Variants in SYBU observed in about 807,000 individuals in gnomAD.
The protein encoded by SYBU is syntabulin, also known as GOLSYN A protein.
Under a neutral mutation model 35.9 loss-of-function variants are expected in SYBU, and 21 were observed. That is an observed-to-expected ratio of 0.58 (90% CI 0.41 to 0.84). The LOEUF (loss-of-function observed/expected upper bound fraction) is 0.84. Among genes scored for constraint, SYBU ranks in the 40% least tolerant of loss-of-function variants. SYBU has a pLI of 0.00. For missense variants in SYBU, 768 were observed against 848.2 expected (o/e 0.91, Z 1.17); for synonymous variants, 319 against 324.3 (o/e 0.98, Z 0.18).
intron 2 of SYBU, among the ~76,000 whole-genome samples, chr8:109,621,530 G>A (rs915661917): frequency 2.6e-5 from 4 of 152,138 alleles, no homozygotes; most frequent in African/African-American, 9.7e-5. Context: ...TGCTTCATAT[G>A]GTGTGTGTTG....
intron 1 of SYBU, among the ~76,000 whole-genome samples, chr8:109,688,782 AG>A (rs369037657): frequency 1.5e-3 from 226 of 150,060 alleles, no homozygotes; most frequent in African/African-American, 3.8e-3. Context: ...AAAAAAAAAA[AG>A]AGAGAGAAGA....
At chr8:109,690,207 C>G (rs1817614978) in intron 1 of SYBU, among the ~76,000 whole-genome samples, 1 of 151,130 alleles carries the variant, frequency 6.6e-6, no homozygotes, top group Admixed American at 6.6e-5. Flanking sequence ...GCTTTAAAAT[C>G]TGAAGCATAT....
chr8:109,610,929 CT>C (rs1482822788), intron 3 of SYBU, among the ~76,000 whole-genome samples: 1 of 152,214 alleles, frequency 6.6e-6, no homozygotes, highest in African/African-American at 2.4e-5. Flanking sequence ...TTTTACCATA[CT>C]TTATCGAATC....
chr8:109,628,893 T>C (rs1813276096), intron 2 of SYBU, among the ~76,000 whole-genome samples: 1 of 151,474 alleles, frequency 6.6e-6, no homozygotes, highest in Non-Finnish European at 1.5e-5. Context: ...AGGTGGGAGG[T>C]GGGAAGCTAC....
At chr8:109,588,158 T>C (rs1315398383) in intron 3 of SYBU, among the ~76,000 whole-genome samples, 2 of 152,244 alleles carry the variant, frequency 1.3e-5, no homozygotes, top group Non-Finnish European at 2.9e-5. Context: ...TGTGAAATTA[T>C]TACTCTGAAA....
At chr8:109,592,698 AAGG>A (rs1172197834) in intron 3 of SYBU, among the ~76,000 whole-genome samples, 1 of 152,240 alleles carries the variant, frequency 6.6e-6, no homozygotes, top group African/African-American at 2.4e-5. Context: ...TTCAATAAAC[AAGG>A]AGAAGTGAAA....
At chr8:109,652,663 G>T (rs547821125) in intron 1 of SYBU, among the ~76,000 whole-genome samples, 95 of 152,262 alleles carry the variant, frequency 6.2e-4, no homozygotes, top group African/African-American at 2.2e-3. Context: ...GACAGGTAAA[G>T]TCTCTTGGCC....
chr8:109,658,970 G>A (rs1586966353), intron 1 of SYBU, among the ~76,000 whole-genome samples: 1 of 151,552 alleles, frequency 6.6e-6, no homozygotes, highest in African/African-American at 2.4e-5. Flanking sequence ...AAAAAAGAAA[G>A]AAAGCAACAA....
intron 3 of SYBU, 165 bp from the exon 4 acceptor site, chr8:109,586,327 G>GAGA (rs1823617512): frequency 1.7e-6 from 1 of 596,366 alleles, no homozygotes; most frequent in Admixed American, 3.0e-5. Flanking sequence ...AAGCAGTCAA[G>GAGA]AGAAGGCCCA....
upstream of SYBU, chr8:109,645,626 G>GTTTTTTCTTTTTTTTTTTT (rs201121007): frequency 4.1e-6 from 1 of 244,788 alleles, no homozygotes; most frequent in African/African-American, 2.8e-5. Flanking sequence ...TTGTTGTTTC[G>GTTTTTTCTTTTTTTTTTTT]TTTTTTGTTT....
At chr8:109,631,770 G>A (rs769446324) in intron 2 of SYBU, among the ~76,000 whole-genome samples, 4 of 152,132 alleles carry the variant, frequency 2.6e-5, no homozygotes, top group Non-Finnish European at 5.9e-5. Context: ...CCTGGCACGG[G>A]GGTGGTGAAT....
intron 4 of SYBU, 140 bp downstream of exon 4, chr8:109,585,920 C>T (rs1257088842): frequency 4.7e-6 from 3 of 642,124 alleles, no homozygotes; most frequent in Non-Finnish European, 5.4e-6. Flanking sequence ...TTTAAAATCA[C>T]TGTAAAAAAA....
chr8:109,688,233 A>C (rs967614796), intron 1 of SYBU, among the ~76,000 whole-genome samples: 1 of 152,256 alleles, frequency 6.6e-6, no homozygotes, highest in Admixed American at 6.5e-5. Flanking sequence ...GAGTAAAAAA[A>C]CAATGTGTTA....
At chr8:109,641,004 T>C (rs947910563) in intron 2 of SYBU, among the ~76,000 whole-genome samples, 5 of 152,206 alleles carry the variant, frequency 3.3e-5, no homozygotes, top group African/African-American at 1.2e-4. Flanking sequence ...GCATTAATCA[T>C]AGCATCCTGA....
chr8:109,639,313 T>C (rs995542484), intron 2 of SYBU, among the ~76,000 whole-genome samples: 2 of 150,052 alleles, frequency 1.3e-5, no homozygotes, highest in African/African-American at 5.1e-5. Flanking sequence ...TGTTTATAAA[T>C]GTTTATGAAG....
rs1229098833 is a variant in SYBU at position 109,574,236 on chromosome 8, T to A, written c.*670A>T. 1 of 152,658 alleles carries A rather than the reference T, an allele frequency of 6.6e-6. No homozygotes were observed. The highest frequency in any genetic ancestry group is 1.9e-4 in the East Asian group (1 of 5,198). The allele number at this position is 152,658 out of a possible 1,614,324, so 9.5% of individuals were successfully genotyped here. ...ATGGAAACACTAATCTTTATTTTCA[T>A]CATGCTGAAGTGTGTGGTTACAATT... On this transcript the variant is annotated 3_prime_UTR_variant, in exon 7 of 7. Coordinates refer to ENST00000276646, the MANE Select transcript of SYBU (RefSeq NM_001099754.2).
At chr8:109,675,536 A>G (rs1817155401) in intron 1 of SYBU, among the ~76,000 whole-genome samples, 1 of 152,222 alleles carries the variant, frequency 6.6e-6, no homozygotes. Flanking sequence ...TAGAAAATAC[A>G]GAAGAAATGG....
At chr8:109,628,037 C>T (rs1437886840) in intron 2 of SYBU, among the ~76,000 whole-genome samples, 5 of 152,178 alleles carry the variant, frequency 3.3e-5, no homozygotes, top group African/African-American at 1.2e-4. Flanking sequence ...GTATAAATCT[C>T]ATCCATTCAT....
At chr8:109,649,587 G>A (rs1295010081), upstream of SYBU, among the ~76,000 whole-genome samples, 1 of 152,156 alleles carries the variant, frequency 6.6e-6, no homozygotes, top group Non-Finnish European at 1.5e-5. Flanking sequence ...GGCAGAGGTT[G>A]GGGGCTTGGA....
Sources: gnomAD v4.1 joint callset for allele counts (sites outside exome capture counted in the v4.1 genomes callset) on GRCh38, gnomAD v4.1.1 for gene constraint, MANE v1.5 for transcripts, NCBI Gene and HGNC (gene_info 2026-07-23, HGNC 2026-07-21) for gene names.